DOCK3: variants seen among roughly 807,000 people sequenced by gnomAD.
The protein encoded by DOCK3 is dedicator of cytokinesis 3.
In DOCK3, 60 loss-of-function variants were observed where a neutral mutation model predicts 265.6. The ratio of observed to expected loss-of-function variants is 0.23; its 90% confidence interval spans 0.18 to 0.28. The LOEUF (loss-of-function observed/expected upper bound fraction) is 0.28. DOCK3 is among the 10% of genes least tolerant of loss of function. DOCK3 has a pLI of 1.00. For missense variants in DOCK3, 1,981 were observed against 2,594.3 expected (o/e 0.76, Z 5.14); for synonymous variants, 881 against 938.0 (o/e 0.94, Z 1.11).
chr3:51,337,386 T>TG (rs1264320196), intron 35 of DOCK3, among the ~76,000 whole-genome samples: 1 of 152,222 alleles, frequency 6.6e-6, no homozygotes, highest in Non-Finnish European at 1.5e-5. Context: ...CCAGCTGTAC[T>TG]GCTCTTCACT....
At chr3:51,043,365 G>T (rs895306644) in intron 5 of DOCK3, among the ~76,000 whole-genome samples, 5 of 152,058 alleles carry the variant, frequency 3.3e-5, no homozygotes, top group African/African-American at 9.7e-5. Context: ...AATGGTGCTG[G>T]GATAACTGTC....
At chr3:51,378,566 G>A (rs761855160) in intron 51 of DOCK3, among the ~76,000 whole-genome samples, 7 of 152,206 alleles carry the variant, frequency 4.6e-5, no homozygotes, top group African/African-American at 7.2e-5. Context: ...ATTGTGAGCC[G>A]CTTCTCTGCT....
At chr3:51,213,718 C>T (rs961480606) in intron 13 of DOCK3, among the ~76,000 whole-genome samples, 1 of 152,160 alleles carries the variant, frequency 6.6e-6, no homozygotes, top group Non-Finnish European at 1.5e-5. Flanking sequence ...TTTGGGATGG[C>T]CTGACTGAAG....
intron 22 of DOCK3, among the ~76,000 whole-genome samples, chr3:51,247,765 A>C (rs2078908626): frequency 6.6e-6 from 1 of 152,208 alleles, no homozygotes; most frequent in Non-Finnish European, 1.5e-5. Context: ...AACGATGAAT[A>C]AGACCAGCCC....
intron 27 of DOCK3, among the ~76,000 whole-genome samples, chr3:51,300,807 T>C (rs1576710541): frequency 6.6e-6 from 1 of 152,256 alleles, no homozygotes; most frequent in East Asian, 1.9e-4. Context: ...GGTTTGCCAG[T>C]ATTTTATTGA....
At chr3:50,926,142 A>G (rs1458306667) in intron 4 of DOCK3, among the ~76,000 whole-genome samples, 1 of 152,128 alleles carries the variant, frequency 6.6e-6, no homozygotes, top group Non-Finnish European at 1.5e-5. Flanking sequence ...TAACCCTTGG[A>G]CAGGTGCTTT....
At chr3:50,908,394 A>G (rs2049664860) in intron 4 of DOCK3, among the ~76,000 whole-genome samples, 1 of 152,020 alleles carries the variant, frequency 6.6e-6, no homozygotes, top group South Asian at 2.1e-4. Flanking sequence ...ACCCTGCTTT[A>G]GCAGCATCCC....
intron 12 of DOCK3, among the ~76,000 whole-genome samples, chr3:51,182,451 C>T (rs2087355523): frequency 6.6e-6 from 1 of 152,118 alleles, no homozygotes; most frequent in Non-Finnish European, 1.5e-5. Flanking sequence ...CCTGGAGGTG[C>T]TATTGAGTGT....
At chr3:50,865,876 T>G (rs1475724694) in intron 3 of DOCK3, among the ~76,000 whole-genome samples, 1 of 152,172 alleles carries the variant, frequency 6.6e-6, no homozygotes, top group Non-Finnish European at 1.5e-5. Context: ...TTCATTGTAG[T>G]TTTGGTTTGT....
At chr3:50,771,967 A>G (rs747123269) in intron 1 of DOCK3, among the ~76,000 whole-genome samples, 1 of 152,260 alleles carries the variant, frequency 6.6e-6, no homozygotes, top group African/African-American at 2.4e-5. Context: ...GAGGAAATCA[A>G]TATATCGAAG....
intron 33 of DOCK3, among the ~76,000 whole-genome samples, chr3:51,330,566 G>T (rs1282466541): frequency 6.6e-6 from 1 of 152,180 alleles, no homozygotes; most frequent in Non-Finnish European, 1.5e-5. Context: ...GGCATTTCAA[G>T]GTGGGGGATA....
intron 3 of DOCK3, among the ~76,000 whole-genome samples, chr3:50,868,940 G>T (rs1262528109): frequency 1.6e-4 from 7 of 44,396 alleles, no homozygotes; most frequent in Non-Finnish European, 1.7e-4. Flanking sequence ...CTGACTAAAA[G>T]TTTGTCGGTT....
intron 7 of DOCK3, among the ~76,000 whole-genome samples, chr3:51,084,586 G>T (rs1405316640): frequency 6.6e-6 from 1 of 152,124 alleles, no homozygotes; most frequent in Non-Finnish European, 1.5e-5. Context: ...AGTCCTACAA[G>T]AAATGTTTCA....
At chr3:50,826,482 C>A (rs373006847) in intron 2 of DOCK3, among the ~76,000 whole-genome samples, 73 of 152,242 alleles carry the variant, frequency 4.8e-4, no homozygotes, top group African/African-American at 1.7e-3. Flanking sequence ...TTCCAGTTAA[C>A]TTTTTATTTC....
At chr3:51,324,688 A>C (rs1244744873) in intron 32 of DOCK3, among the ~76,000 whole-genome samples, 2 of 152,214 alleles carry the variant, frequency 1.3e-5, no homozygotes, top group Admixed American at 1.3e-4. Flanking sequence ...TACGGTAACC[A>C]AAACAGCATG....
chr3:51,352,840 A>G (rs2086094764), intron 40 of DOCK3, among the ~76,000 whole-genome samples: 1 of 152,180 alleles, frequency 6.6e-6, no homozygotes, highest in Non-Finnish European at 1.5e-5. Context: ...GCCCAAGTGA[A>G]TATGAAACCA....
intron 6 of DOCK3, among the ~76,000 whole-genome samples, chr3:51,071,048 G>C (rs1034943735): frequency 2.0e-5 from 3 of 152,168 alleles, no homozygotes; most frequent in African/African-American, 7.2e-5. Flanking sequence ...AGTATCCATT[G>C]TATATAATTA....
intron 1 of DOCK3, among the ~76,000 whole-genome samples, chr3:50,762,471 G>A (rs986979854): frequency 6.6e-6 from 1 of 152,094 alleles, no homozygotes; most frequent in Non-Finnish European, 1.5e-5. Flanking sequence ...CATTGTGCAC[G>A]TCTGAAATTA....
At chr3:51,332,194 GT>G (rs1451933463) in intron 33 of DOCK3, among the ~76,000 whole-genome samples, 1 of 152,248 alleles carries the variant, frequency 6.6e-6, no homozygotes, top group African/African-American at 2.4e-5. Context: ...GCAAGGAATA[GT>G]GTGGAAAGGA....
Sources: gnomAD v4.1 joint callset for allele counts (sites outside exome capture counted in the v4.1 genomes callset) on GRCh38, gnomAD v4.1.1 for gene constraint, MANE v1.5 for transcripts, NCBI Gene and HGNC (gene_info 2026-07-23, HGNC 2026-07-21) for gene names.